HACE1: variants seen among roughly 807,000 people sequenced by gnomAD.
HACE1 encodes the protein HECT domain and ankyrin repeat containing E3 ubiquitin protein ligase 1.
In HACE1, 73 loss-of-function variants were observed where a neutral mutation model predicts 118.4. That is an observed-to-expected ratio of 0.62 (90% CI 0.51 to 0.75). The LOEUF is 0.75. Among genes scored for constraint, HACE1 ranks in the 30% least tolerant of loss-of-function variants. The pLI is 0.00. For missense variants in HACE1, 749 were observed against 1,102.2 expected, an observed-to-expected ratio of 0.68 and a Z score of 4.54; for synonymous variants, 368 against 374.8, an observed-to-expected ratio of 0.98 and a Z score of 0.21.
At chr6:104,779,869 T>G (rs146925253) in intron 14 of HACE1, among the ~76,000 whole-genome samples, 135 of 152,160 alleles carry the variant, frequency 8.9e-4, no homozygotes, top group African/African-American at 3.1e-3. Context: ...ATAATTATAA[T>G]AATCATAATA....
chr6:104,734,084 C>T (rs1467010296), intron 22 of HACE1, among the ~76,000 whole-genome samples: 2 of 122,816 alleles, frequency 1.6e-5, no homozygotes, highest in South Asian at 2.7e-4. Context: ...ACCTGGGAGG[C>T]GGGGGTTGCA....
chr6:104,821,083 C>T (rs1772662576), intron 6 of HACE1, among the ~76,000 whole-genome samples: 4 of 152,154 alleles, frequency 2.6e-5, no homozygotes, highest in Admixed American at 2.6e-4. Flanking sequence ...CAAACTAACA[C>T]AGGAACAGAA....
intron 7 of HACE1, among the ~76,000 whole-genome samples, chr6:104,807,828 C>G (rs1030531571): frequency 6.6e-6 from 1 of 152,046 alleles, no homozygotes; most frequent in Non-Finnish European, 1.5e-5. Context: ...GCTGGAAAAC[C>G]CTTTCTATCA....
At chr6:104,846,911 CAGAA>C (rs1562502097) in intron 4 of HACE1, among the ~76,000 whole-genome samples, 2 of 152,128 alleles carry the variant, frequency 1.3e-5, no homozygotes, top group African/African-American at 2.4e-5. Context: ...TTTATAGAAA[CAGAA>C]AGGCATCCAA....
intron 6 of HACE1, among the ~76,000 whole-genome samples, chr6:104,824,568 G>A (rs1005591838): frequency 2.6e-5 from 4 of 152,186 alleles, no homozygotes; most frequent in Non-Finnish European, 4.4e-5. Flanking sequence ...CACTACCTGA[G>A]AGTTTTAAAT....
chr6:104,824,621 G>C lies in HACE1; in HGVS notation c.534+8421C>G, dbSNP rs571452045. Among the ~76,000 whole-genome samples the C allele has an allele frequency of 5.3e-5, 8 of 152,254 alleles. No individual in the cohort carries two copies. The South Asian group carries it at 1.7e-3, about 32-fold the overall frequency. Reference sequence around the variant, plus strand: ...GCATAAGGCACAACATAATTCAAGAGAATAAATTCTGGATTAAACTTTTAA... The same window carrying C: ...GCATAAGGCACAACATAATTCAAGACAATAAATTCTGGATTAAACTTTTAA... On this transcript the variant is annotated intron_variant, in intron 6 of 23. Coordinates refer to ENST00000262903, the MANE Select transcript of HACE1 (RefSeq NM_020771.4).
At chr6:104,774,874 T>C (rs571070759) in intron 17 of HACE1, among the ~76,000 whole-genome samples, 1 of 152,318 alleles carries the variant, frequency 6.6e-6, no homozygotes, top group African/African-American at 2.4e-5. Context: ...CTTTAAAAAA[T>C]TATTATAGAT....
intron 4 of HACE1, among the ~76,000 whole-genome samples, chr6:104,848,505 G>A (rs1338097695): frequency 3.7e-4 from 56 of 150,100 alleles, no homozygotes. Context: ...TTCAAGTCCT[G>A]AATCAAAAAA....
Position 104,729,524 on chromosome 6 carries a change from C to T in HACE1, c.*138G>A, listed in dbSNP as rs973723855. The T allele has an allele frequency of 3.0e-6, 2 of 677,790 alleles. No homozygotes were observed. The highest frequency in any genetic ancestry group is 1.8e-5 in the African/African-American group (1 of 56,320). The allele number at this position is 677,790 out of a possible 1,614,324, so 42.0% of individuals were successfully genotyped here. ...AAGGGAAAAGAGAGAAACAGAAAACCTGATGATCCTTTATAAATTGGAAGC... is the reference window on the plus strand; with the variant it reads ...AAGGGAAAAGAGAGAAACAGAAAACTTGATGATCCTTTATAAATTGGAAGC... On this transcript the variant is annotated 3_prime_UTR_variant, in exon 24 of 24. Coordinates refer to ENST00000262903, the MANE Select transcript of HACE1 (RefSeq NM_020771.4).
intron 19 of HACE1, among the ~76,000 whole-genome samples, chr6:104,765,226 A>T (rs1169346884): frequency 6.6e-6 from 1 of 152,200 alleles, no homozygotes; most frequent in Non-Finnish European, 1.5e-5. Flanking sequence ...CATGCAGTAA[A>T]CACAAGCCAC....
At position 104,859,713 on chromosome 6, in the gene HACE1, A is replaced by C; in HGVS notation, c.-71T>G. 11 of 1,318,250 alleles carry C rather than the reference A, an allele frequency of 8.3e-6. No individual in the cohort carries two copies. The highest frequency in any genetic ancestry group is 1.1e-5 in the Non-Finnish European group (11 of 957,494). 81.7% of individuals were successfully genotyped at this position (1,318,250 alleles called of 1,614,324 possible). On this transcript the variant is annotated 5_prime_UTR_variant, in exon 1 of 24. An upstream start codon of the reference 5' UTR is lost. Transcript: ENST00000262903. The stretch of plus-strand genomic sequence containing the variant: ...GCGGCCTCCGCGCCCAGAGCCCTAC[A>C]TCTCGCCTGGGCCCGTCCAGCAGGC...
At chr6:104,766,815 G>A (rs969837179) in intron 19 of HACE1, 1 of 152,194 alleles carries the variant, frequency 6.6e-6, no homozygotes, top group Non-Finnish European at 1.5e-5. Context: ...GTTACAAGCA[G>A]GCTCAAGTGC....
chr6:104,748,030 C>T (rs1777617753), intron 20 of HACE1, among the ~76,000 whole-genome samples: 1 of 151,810 alleles, frequency 6.6e-6, no homozygotes, highest in African/African-American at 2.4e-5. Context: ...AATATCTTCA[C>T]AGCCTTGGAG....
Position 104,859,772 on chromosome 6 carries a change from G to A in HACE1, c.-130C>T. 1 of 811,234 alleles carries A rather than the reference G, an allele frequency of 1.2e-6. No individual in the cohort carries two copies. The highest frequency in any genetic ancestry group is 1.8e-5 in the South Asian group (1 of 56,020). The allele number at this position is 811,234 out of a possible 1,614,324, so 50.3% of individuals were successfully genotyped here. A position where few individuals can be genotyped will look rare whatever the true frequency, so the allele number is the denominator to read the frequency against. On this transcript the variant is annotated 5_prime_UTR_variant, in exon 1 of 24. Transcript: ENST00000262903. ...GGGCTTGCCCCGGCTAGAGCACTGA[G>A]CTGCGAGGGCTGCCTGGGGCCACGT...
At chr6:104,847,756 A>T (rs1236381431) in intron 4 of HACE1, among the ~76,000 whole-genome samples, 3 of 144,678 alleles carry the variant, frequency 2.1e-5, no homozygotes, top group African/African-American at 2.9e-5. Context: ...AAGAGTAATT[A>T]AAAAAAAAGA....
intron 7 of HACE1, 62 bp downstream of exon 7, chr6:104,811,247 CAT>C (rs3995559): frequency 0.063 from 12,898 of 205,250 alleles, 387 homozygotes; most frequent in Middle Eastern, 0.15. Context: ...TTTATTTATA[CAT>C]ATATATATAT....
At chr6:104,779,123 T>G (rs1464771903) in intron 14 of HACE1, among the ~76,000 whole-genome samples, 4 of 152,166 alleles carry the variant, frequency 2.6e-5, no homozygotes, top group African/African-American at 9.7e-5. Flanking sequence ...CAAAGAAGTT[T>G]ATGATCACAA....
At chr6:104,750,522 CTTAATG>C (rs1320049580) in intron 19 of HACE1, 50 bp from the exon 20 acceptor site, 5 of 1,505,676 alleles carry the variant, frequency 3.3e-6, no homozygotes, top group Non-Finnish European at 4.6e-6. Context: ...CTTTTACATA[CTTAATG>C]TTAATATAAT....
intron 7 of HACE1, among the ~76,000 whole-genome samples, chr6:104,797,322 T>C (rs1582517958): frequency 6.6e-6 from 1 of 152,076 alleles, no homozygotes; most frequent in East Asian, 1.9e-4. Flanking sequence ...TTTTTTTTTT[T>C]TCTTACATTC....
Sources: gnomAD v4.1 joint callset for allele counts (sites outside exome capture counted in the v4.1 genomes callset) on GRCh38, gnomAD v4.1.1 for gene constraint, MANE v1.5 for transcripts, NCBI Gene and HGNC (gene_info 2026-07-23, HGNC 2026-07-21) for gene names.